Variants in ERN1 observed in about 807,000 individuals in gnomAD.
ERN1 encodes the protein serine/threonine-protein kinase/endoribonuclease IRE1.
A neutral mutation model predicts 113.1 loss-of-function variants in ERN1; 39 were observed. The ratio of observed to expected loss-of-function variants is 0.34; its 90% CI spans 0.27 to 0.45. ERN1 has a LOEUF of 0.45. Ranked by LOEUF, ERN1 falls within the 20% of genes least tolerant of loss-of-function variation. The probability of loss-of-function intolerance (pLI) is 1.00; values close to 1 mark genes in which losing one functional copy is unlikely to be tolerated. For synonymous variants in ERN1, 507 were observed against 515.9 expected, an observed-to-expected ratio of 0.98 and a Z score of 0.23; for missense variants, 976 against 1,274.8, an observed-to-expected ratio of 0.77 and a Z score of 3.57.
At position 64,068,212 on chromosome 17, in the gene ERN1, C is replaced by T. The variant is rs748148094; in HGVS notation, c.558G>A (p.Leu186=). 1 of 1,610,788 alleles carries T rather than the reference C, an allele frequency of 6.2e-7. No homozygotes were observed. The highest frequency in any genetic ancestry group is 8.5e-7 in the Non-Finnish European group (1 of 1,178,534). ...TACTGTAGTCCACGTCGTCCTCAGG[C>T]AGTGAGGCCGCATAGTCAAAGTAGG... ...NATYFDYAAS[L]PEDDVDYKMS... is the part of the protein sequence containing the mutation. The change falls in exon 7 of 22, where the codon CTG becomes CTA. Residue 186 remains leucine (L), a synonymous_variant. Transcript: ENST00000433197.
chr17:64,072,249 T>A lies in ERN1; in HGVS notation c.356-146A>T. 4 of 816,448 alleles carry A rather than the reference T, an allele frequency of 4.9e-6. No individual in the cohort carries two copies. In the Admixed American group the frequency reaches 1.1e-4, roughly 23 times the overall value. The allele number at this position is 816,448 out of a possible 1,614,324, so 50.6% of individuals were successfully genotyped here. ...TCTAAGGTGATGATATAAATGGTAA[T>A]GCAGAGATAATAAAACTTCTTAGGT... On this transcript the variant is annotated intron_variant, in intron 5 of 21. Transcript: ENST00000433197.
chr17:64,100,390 C>A (rs1261510980), intron 1 of ERN1, among the ~76,000 whole-genome samples: 3 of 152,148 alleles, frequency 2.0e-5, no homozygotes, highest in Non-Finnish European at 2.9e-5. Flanking sequence ...CCCTCCTCCA[C>A]CCCCCAAAGT....
rs1161645558 is a variant in ERN1 at position 64,075,179 on chromosome 17, G to A, written c.351C>T (p.Tyr117=). The A allele has an allele frequency of 6.5e-7, 1 of 1,537,292 alleles. No individual in the cohort carries two copies. Among genetic ancestry groups the A allele is most frequent in the Admixed American group, 2.0e-5 (1 of 49,964 alleles). The part of the protein sequence containing the change: ...SPCRSSDGIL[Y]MGKKQDIWYV... ...TCTGGAGACAGGAACTCTTACCCATGTAGAGGATTCCATCTGAACTTCGGC... is the reference window on the plus strand; with the variant it reads ...TCTGGAGACAGGAACTCTTACCCATATAGAGGATTCCATCTGAACTTCGGC... Residue 117 remains tyrosine, a synonymous_variant, in exon 5 of 22, where the codon TAC becomes TAT. Coordinates refer to ENST00000433197, the MANE Select transcript of ERN1 (RefSeq NM_001433.5).
intron 17 of ERN1, 60 bp downstream of exon 17, chr17:64,052,720 C>T (rs1912723797): frequency 1.3e-6 from 2 of 1,507,760 alleles, no homozygotes; most frequent in Non-Finnish European, 1.8e-6. Context: ...AAAGGTTCTA[C>T]TCCTGAAGAT....
chr17:64,127,979 A>C (rs1343575565), intron 1 of ERN1, among the ~76,000 whole-genome samples: 4 of 151,600 alleles, frequency 2.6e-5, no homozygotes. Flanking sequence ...CCTTGGGAGA[A>C]AATTCTAGGA....
At chr17:64,117,562 T>C (rs1463223938) in intron 1 of ERN1, among the ~76,000 whole-genome samples, 1 of 152,222 alleles carries the variant, frequency 6.6e-6, no homozygotes, top group African/African-American at 2.4e-5. Context: ...ACCTGAGGAC[T>C]ATCAACACCA....
rs897817288 is a variant in ERN1 at position 64,043,671 on chromosome 17, A to T, written c.*317T>A. Reference sequence around the variant, plus strand: ...GTAGACTGACATTAAGCAGGAATTTAAAAAGTCTGAAGCAAGTTTATCCAG... The same window carrying T: ...GTAGACTGACATTAAGCAGGAATTTTAAAAGTCTGAAGCAAGTTTATCCAG... On this transcript the variant is annotated 3_prime_UTR_variant, in exon 22 of 22. Transcript: ENST00000433197. 14 of 257,802 alleles carry T rather than the reference A, an allele frequency of 5.4e-5. No homozygotes were observed. Among genetic ancestry groups the T allele is most frequent in the Admixed American group, 3.8e-4 (7 of 18,444 alleles). The allele number at this position is 257,802 out of a possible 1,614,324, so 16.0% of individuals were successfully genotyped here. A position where few individuals can be genotyped will look rare whatever the true frequency, so the allele number is the denominator to read the frequency against.
chr17:64,098,105 A>C lies in ERN1; in HGVS notation c.175+16T>G. The C allele has an allele frequency of 6.2e-7, 1 of 1,613,860 alleles. No homozygotes were observed. Among genetic ancestry groups the C allele is most frequent in the Non-Finnish European group, 8.5e-7 (1 of 1,179,796 alleles). On this transcript the variant is annotated intron_variant, in intron 2 of 21. Coordinates refer to ENST00000433197, the MANE Select transcript of ERN1 (RefSeq NM_001433.5). The stretch of plus-strand genomic sequence containing the variant: ...AAGCAAATGTCCATGTCGCCCAAGG[A>C]CCAAATCCAAATTACCTTCTTTTAA...
rs1913136652 is a variant in ERN1, at chr17:64,064,024, T to C, written c.1049A>G (p.Asn350Ser). The C allele has an allele frequency of 1.2e-6, 2 of 1,614,006 alleles. No individual in the cohort carries two copies. Among genetic ancestry groups the C allele is most frequent in the Middle Eastern group, 1.7e-4 (1 of 6,060 alleles). The change falls in exon 10 of 22, where the codon AAC becomes AGC. Residue 350 changes from asparagine (N) to serine (S), a missense_variant. Physicochemically the swap from Asn to Ser is conservative, Grantham distance 46. This residue lies in a region of ERN1 where 459 missense variants were observed against 581.2 expected (regional missense o/e 0.79). Coordinates refer to ENST00000433197, the MANE Select transcript of ERN1 (RefSeq NM_001433.5). The part of the protein sequence containing the change: ...VKFDPGLKSK[N>S]KLNYLRNYWL... ...GTAATTCCTCAAGTAGTTGAGCTTG[T>C]TCTTGCTTTTGAGTCCGGGATCAAA...
intron 18 of ERN1, among the ~76,000 whole-genome samples, chr17:64,048,553 T>A (rs1377731660): frequency 6.6e-6 from 1 of 152,142 alleles, no homozygotes; most frequent in African/African-American, 2.4e-5. Flanking sequence ...CACTGGAGTG[T>A]CATGGGCCAA....
intron 9 of ERN1, among the ~76,000 whole-genome samples, 168 bp downstream of exon 9, chr17:64,065,041 A>G (rs1372852590): frequency 6.6e-6 from 1 of 152,230 alleles, no homozygotes; most frequent in Non-Finnish European, 1.5e-5. Flanking sequence ...TTTGTCATGT[A>G]TCTTTCTTTC....
chr17:64,084,094 T>C (rs2331414), intron 2 of ERN1, among the ~76,000 whole-genome samples: 145,210 of 151,932 alleles, frequency 0.96, 69,458 homozygotes, highest in East Asian at 1. Context: ...CCCGGGTCCT[T>C]TCTCTGGATC....
chr17:64,099,469 G>A (rs1914322078), intron 1 of ERN1, among the ~76,000 whole-genome samples: 1 of 151,626 alleles, frequency 6.6e-6, no homozygotes, highest in South Asian at 2.1e-4. Flanking sequence ...CTTGTAATGA[G>A]ATTTTCTCTT....
chr17:64,096,081 C>T (rs1914221132), intron 2 of ERN1, among the ~76,000 whole-genome samples: 1 of 152,158 alleles, frequency 6.6e-6, no homozygotes, highest in African/African-American at 2.4e-5. Context: ...TTTTGGGGTC[C>T]TACAGAACAG....
In ERN1 at chr17:64,041,820, C is replaced by G. The variant is rs983082023; in HGVS notation, c.*2168G>C. 6.6e-6 allele frequency: 1 copy of G among 152,210 alleles called. No individual in the cohort carries two copies. Among genetic ancestry groups the G allele is most frequent in the Non-Finnish European group, 1.5e-5 (1 of 68,042 alleles). 9.4% of individuals were successfully genotyped at this position (152,210 alleles called of 1,614,324 possible). ...CCGGCACCCTATATCCTGCCTAGCT[C>G]AATACACTAAGTGCTCAAATAAAAT... On this transcript the variant is annotated 3_prime_UTR_variant, in exon 22 of 22. Transcript: ENST00000433197.
Position 64,064,114 on chromosome 17 carries a change from TG to T in ERN1, c.958del (p.Gln320ArgfsTer14). 6.2e-7 allele frequency: 1 copy of T among 1,609,310 alleles called. No individual in the cohort carries two copies. The highest frequency in any genetic ancestry group is 1.7e-5 in the Admixed American group (1 of 59,186). On this transcript the variant is annotated frameshift_variant, in exon 10 of 22. Transcript: ENST00000433197. LOFTEE classifies it high-confidence loss of function. ...GSTLPLLEGP[Q>X]TDGVTIGDKG... is the part of the protein sequence containing the mutation. ...GTCCCCAATGGTGACGCCATCAGTC[TG>T]GGGCCCTTCCAGCAAAGGAAGTGTG...
At position 64,044,809 on chromosome 17, in the gene ERN1, G is replaced by T; in HGVS notation, c.2721+51C>A. ...AAAGAATGGATGAAAGGAGGAAGGTGTCCATGTCATGGCCACTGGGTCTCC... is the reference window on the plus strand; with the variant it reads ...AAAGAATGGATGAAAGGAGGAAGGTTTCCATGTCATGGCCACTGGGTCTCC... On this transcript the variant is annotated intron_variant, in intron 21 of 21. Transcript: ENST00000433197. This position sits in a 1 kb window ranked among gnomAD's most constrained non-coding sequence, Gnocchi z 4.1. The T allele has an allele frequency of 1.8e-6, 2 of 1,110,490 alleles. No individual in the cohort carries two copies. Among genetic ancestry groups the T allele is most frequent in the Non-Finnish European group, 2.7e-6 (2 of 742,402 alleles). The allele number at this position is 1,110,490 out of a possible 1,614,324, so 68.8% of individuals were successfully genotyped here.
At chr17:64,051,038 G>A (rs1009622070) in intron 17 of ERN1, among the ~76,000 whole-genome samples, 33 of 152,194 alleles carry the variant, frequency 2.2e-4, no homozygotes, top group African/African-American at 7.9e-4. Context: ...CCAGCTTGAA[G>A]GGGTTTCCAG....
chr17:64,115,429 G>A (rs1027476729), intron 1 of ERN1, among the ~76,000 whole-genome samples: 1 of 152,136 alleles, frequency 6.6e-6, no homozygotes, highest in African/African-American at 2.4e-5. Context: ...TGGCTTCAAG[G>A]GGTTTGCCGT....
Sources: gnomAD v4.1 joint callset for allele counts (sites outside exome capture counted in the v4.1 genomes callset) on GRCh38, gnomAD v4.1.1 for gene constraint, gnomAD v4.1.1 regional missense constraint, Gnocchi (gnomAD v3.1) non-coding constraint, MANE v1.5 for transcripts, NCBI Gene and HGNC (gene_info 2026-07-23, HGNC 2026-07-21) for gene names.